ARMH4: variants seen among roughly 807,000 people sequenced by gnomAD.
ARMH4 encodes the protein armadillo like helical domain containing 4.
Under a neutral mutation model 61.9 loss-of-function variants are expected in ARMH4, and 49 were observed. That is an observed-to-expected ratio of 0.79 (90% CI 0.63 to 1.00). ARMH4 has a LOEUF of 1.00. Ranked by LOEUF, ARMH4 falls within the 50% of genes least tolerant of loss-of-function variation. The probability of loss-of-function intolerance (pLI) is 0.00; values close to 1 mark genes in which losing one functional copy is unlikely to be tolerated. For synonymous variants in ARMH4, 368 were observed against 341.5 expected (o/e 1.08, Z -0.85); for missense variants, 934 against 930.0 (o/e 1.00, Z -0.06).
chr14:58,014,729 A>T (rs1455113190), intron 5 of ARMH4, among the ~76,000 whole-genome samples: 1 of 152,176 alleles, frequency 6.6e-6, no homozygotes, highest in Non-Finnish European at 1.5e-5. Flanking sequence ...AAGTTATAAG[A>T]CCTAATTCCA....
At chr14:58,139,552 T>A (rs1477268774) in intron 1 of ARMH4, 138 bp from the exon 2 acceptor site, 1 of 610,766 alleles carries the variant, frequency 1.6e-6, no homozygotes, top group African/African-American at 1.8e-5. Flanking sequence ...ACTGTTCTAT[T>A]TCTTTGTACC....
At chr14:58,101,907 G>A (rs1247740428) in intron 4 of ARMH4, among the ~76,000 whole-genome samples, 1 of 152,152 alleles carries the variant, frequency 6.6e-6, no homozygotes, top group Non-Finnish European at 1.5e-5. Flanking sequence ...AAATGGATGG[G>A]TAGGTAGGTG....
At chr14:58,127,876 C>A (rs969185982) in intron 4 of ARMH4, among the ~76,000 whole-genome samples, 2 of 152,132 alleles carry the variant, frequency 1.3e-5, no homozygotes, top group African/African-American at 2.4e-5. Context: ...GGAGGGAGGA[C>A]CGTCAAAGAC....
intron 4 of ARMH4, among the ~76,000 whole-genome samples, chr14:58,122,161 G>T (rs1886745416): frequency 6.6e-6 from 1 of 152,150 alleles, no homozygotes; most frequent in Non-Finnish European, 1.5e-5. Context: ...ATCACAAATA[G>T]CAGGAGACAG....
chr14:58,137,306 T>C (rs1403223763), intron 2 of ARMH4, among the ~76,000 whole-genome samples: 1 of 152,172 alleles, frequency 6.6e-6, no homozygotes, highest in African/African-American at 2.4e-5. Flanking sequence ...CATTGCTAAA[T>C]GTCCCCTGGG....
chr14:58,109,689 TA>T (rs1225691465), intron 4 of ARMH4, among the ~76,000 whole-genome samples: 6 of 152,238 alleles, frequency 3.9e-5, no homozygotes, highest in Admixed American at 1.3e-4. Context: ...TAATGCAATG[TA>T]AAAATAAAAT....
At chr14:58,070,995 TACATTTGA>T (rs1345747984) in intron 5 of ARMH4, among the ~76,000 whole-genome samples, 3 of 152,132 alleles carry the variant, frequency 2.0e-5, no homozygotes, top group Non-Finnish European at 4.4e-5. Flanking sequence ...TGTAACCTGA[TACATTTGA>T]ACACTTATTT....
chr14:58,150,819 T>G, intron 1 of ARMH4, among the ~76,000 whole-genome samples: 1 of 152,106 alleles, frequency 6.6e-6, no homozygotes, highest in East Asian at 1.9e-4. Flanking sequence ...AAAGAAGCAA[T>G]GTTCTGATAC....
intron 5 of ARMH4, among the ~76,000 whole-genome samples, chr14:58,049,001 GC>G (rs1169913048): frequency 6.6e-6 from 1 of 152,106 alleles, no homozygotes; most frequent in Non-Finnish European, 1.5e-5. Context: ...ACTTTGGGAG[GC>G]CAAGGAGGGC....
chr14:58,039,427 ATTCTGAAGATATT>A (rs1427085487), intron 5 of ARMH4, among the ~76,000 whole-genome samples: 1 of 152,256 alleles, frequency 6.6e-6, no homozygotes. Flanking sequence ...CAGAATGGAT[ATTCTGAAGATATT>A]TGAACACGTT....
At chr14:58,018,350 G>A (rs559798873) in intron 5 of ARMH4, among the ~76,000 whole-genome samples, 1 of 152,012 alleles carries the variant, frequency 6.6e-6, no homozygotes, top group South Asian at 2.1e-4. Context: ...TGTAGAATGG[G>A]AGAAAATATT....
At chr14:58,139,548 C>A (rs774647834) in intron 1 of ARMH4, 134 bp from the exon 2 acceptor site, 120 of 615,430 alleles carry the variant, frequency 1.9e-4, no homozygotes, top group Non-Finnish European at 3.6e-5. Flanking sequence ...GAGGACTGTT[C>A]TATTTCTTTG....
chr14:58,077,157 A>G (rs975166173), intron 5 of ARMH4, among the ~76,000 whole-genome samples: 2 of 152,226 alleles, frequency 1.3e-5, no homozygotes, highest in Non-Finnish European at 2.9e-5. Context: ...TGAAGAAACA[A>G]GCTAGACAGC....
At chr14:58,039,950 CTCCACTCCT>C (rs544426831) in intron 5 of ARMH4, among the ~76,000 whole-genome samples, 112 of 152,304 alleles carry the variant, frequency 7.4e-4, no homozygotes, top group African/African-American at 2.6e-3. Context: ...CTTCCCTACT[CTCCACTCCT>C]TCCACAAGGG....
chr14:58,014,364 G>C (rs895993681), intron 5 of ARMH4, among the ~76,000 whole-genome samples: 1 of 152,130 alleles, frequency 6.6e-6, no homozygotes, highest in Non-Finnish European at 1.5e-5. Flanking sequence ...TAAGGCCAGG[G>C]GTTAGTGATT....
At chr14:58,102,817 CA>C (rs398025219) in intron 4 of ARMH4, among the ~76,000 whole-genome samples, 1,362 of 50,904 alleles carry the variant, frequency 0.027, 14 homozygotes, top group African/African-American at 0.078. Flanking sequence ...GACTCCGTCT[CA>C]AAAAAAAAAA....
chr14:58,065,016 G>A (rs1339141283), intron 5 of ARMH4, among the ~76,000 whole-genome samples: 1 of 152,132 alleles, frequency 6.6e-6, no homozygotes, highest in Non-Finnish European at 1.5e-5. Context: ...GGCCGAGGCG[G>A]GCAGATCACG....
chr14:58,011,070 A>G (rs1882390769), intron 6 of ARMH4, among the ~76,000 whole-genome samples: 1 of 152,006 alleles, frequency 6.6e-6, no homozygotes, highest in African/African-American at 2.4e-5. Context: ...ACCTCTCTTC[A>G]CAATTGGACC....
intron 1 of ARMH4, chr14:58,141,336 C>A: frequency 2.0e-6 from 1 of 488,138 alleles, no homozygotes. Flanking sequence ...AGGTCAAGCC[C>A]ACCGACACCA....
Sources: gnomAD v4.1 joint callset for allele counts (sites outside exome capture counted in the v4.1 genomes callset) on GRCh38, gnomAD v4.1.1 for gene constraint, MANE v1.5 for transcripts, NCBI Gene and HGNC (gene_info 2026-07-23, HGNC 2026-07-21) for gene names.